The following RBFOX1 variants were observed in gnomAD, a reference collection of about 807,000 sequenced individuals.
RBFOX1 encodes RNA binding protein fox-1 homolog 1.
A neutral mutation model predicts 57.7 loss-of-function variants in RBFOX1; 8 were observed. The ratio of observed to expected loss-of-function variants is 0.14; its 90% CI spans 0.08 to 0.25. The LOEUF is 0.25. Among genes scored for constraint, RBFOX1 ranks in the 10% least tolerant of loss-of-function variants. The pLI is 1.00. For missense variants in RBFOX1, 611 were observed against 548.5 expected (o/e 1.11, Z -1.14); for synonymous variants, 326 against 222.4 (o/e 1.47, Z -4.15).
upstream of RBFOX1, among the ~76,000 whole-genome samples, chr16:6,014,059 A>C (rs564654643): frequency 1.7e-4 from 26 of 152,344 alleles, no homozygotes; most frequent in African/African-American, 6.0e-4. Flanking sequence ...ACATGTATGC[A>C]TACGTAACAA....
At chr16:5,649,488 A>C (rs1003321511) in intron 3 of RBFOX1, among the ~76,000 whole-genome samples, 3 of 152,156 alleles carry the variant, frequency 2.0e-5, no homozygotes, top group African/African-American at 7.2e-5. Context: ...TATTTTTAAA[A>C]TGTGTTTCTA....
chr16:5,730,876 C>T (rs1251345643), intron 3 of RBFOX1, among the ~76,000 whole-genome samples: 1 of 151,918 alleles, frequency 6.6e-6, no homozygotes, highest in Non-Finnish European at 1.5e-5. Context: ...GTCATCACCA[C>T]TATTATCATT....
At chr16:5,826,950 C>G (rs770330014) in intron 3 of RBFOX1, among the ~76,000 whole-genome samples, 1 of 152,176 alleles carries the variant, frequency 6.6e-6, no homozygotes, top group Non-Finnish European at 1.5e-5. Flanking sequence ...TTCCAGAAAA[C>G]AGTTGTGTAG....
At chr16:6,725,480 C>G (rs148915399) in intron 3 of RBFOX1, among the ~76,000 whole-genome samples, 11 of 152,264 alleles carry the variant, frequency 7.2e-5, no homozygotes, top group African/African-American at 2.4e-4. Context: ...CAGTGGGTCT[C>G]AGCCTTAGGG....
At chr16:5,982,083 C>T (rs939730584) in intron 4 of RBFOX1, among the ~76,000 whole-genome samples, 2 of 152,172 alleles carry the variant, frequency 1.3e-5, no homozygotes, top group African/African-American at 4.8e-5. Flanking sequence ...CAGTTGCCAT[C>T]TCATGGGGCA....
intron 4 of RBFOX1, among the ~76,000 whole-genome samples, chr16:7,220,040 G>T (rs2092603129): frequency 6.6e-6 from 1 of 152,080 alleles, no homozygotes; most frequent in Non-Finnish European, 1.5e-5. Flanking sequence ...TAAAATTAAA[G>T]GTGTCTTAAA....
intron 3 of RBFOX1, among the ~76,000 whole-genome samples, chr16:6,759,665 C>G (rs1051610204): frequency 2.0e-5 from 3 of 152,054 alleles, no homozygotes; most frequent in East Asian, 1.9e-4. Context: ...TTCACTTTCT[C>G]TTTGCCTTTT....
At chr16:5,427,490 CAGA>C (rs2067597359) in intron 1 of RBFOX1, among the ~76,000 whole-genome samples, 1 of 152,076 alleles carries the variant, frequency 6.6e-6, no homozygotes, top group African/African-American at 2.4e-5. Context: ...AAGGCTGAGG[CAGA>C]AGAATTATTT....
intron 3 of RBFOX1, among the ~76,000 whole-genome samples, chr16:6,804,540 T>A (rs187765424): frequency 1.4e-3 from 212 of 152,268 alleles, no homozygotes; most frequent in Middle Eastern, 6.8e-3. Context: ...GAATTCTAAA[T>A]TGGACTCTAA....
chr16:5,756,562 A>C (rs1385557103), intron 3 of RBFOX1, among the ~76,000 whole-genome samples: 1 of 152,212 alleles, frequency 6.6e-6, no homozygotes, highest in African/African-American at 2.4e-5. Flanking sequence ...AGGAGTAATG[A>C]ATAAAGACCC....
chr16:6,805,562 G>T (rs150142991), intron 3 of RBFOX1, among the ~76,000 whole-genome samples: 1 of 149,930 alleles, frequency 6.7e-6, no homozygotes, highest in East Asian at 1.9e-4. Flanking sequence ...TCTCACTTCA[G>T]TTATCACATT....
chr16:5,506,755 A>G (rs191419421), intron 2 of RBFOX1, among the ~76,000 whole-genome samples: 41 of 152,144 alleles, frequency 2.7e-4, no homozygotes, highest in Non-Finnish European at 8.8e-5. Flanking sequence ...CTTTCTTGAA[A>G]TGTTGAAAGT....
intron 4 of RBFOX1, among the ~76,000 whole-genome samples, chr16:7,428,323 C>CTTT (rs201523653): frequency 0.018 from 2,005 of 112,264 alleles, 40 homozygotes; most frequent in Non-Finnish European, 0.026. Flanking sequence ...GAATTAATAT[C>CTTT]TTTTTTTTTT....
rs1555524318 is a variant in RBFOX1 at position 5,455,020 on chromosome 16, T to TTTCTTTCC, written c.220-12192_220-12191insTTCCTTCT. 2.7e-3 allele frequency among the ~76,000 whole-genome samples: 312 copies of TTTCTTTCC among 115,772 alleles called. 7 individuals carry two copies. Among genetic ancestry groups the TTTCTTTCC allele is most frequent in the African/African-American group, 9.3e-3 (288 of 30,982 alleles). The allele number at this position is 115,772 out of a possible 152,430, so 76.0% of individuals were successfully genotyped here. A position where few individuals can be genotyped will look rare whatever the true frequency, so the allele number is the denominator to read the frequency against. On this transcript the variant is annotated intron_variant, in intron 1 of 2. Coordinates refer to the RBFOX1 transcript ENST00000585867. The stretch of plus-strand genomic sequence containing the variant: ...CTTTCTTTCTTTCTTTCTTTCTTTC[T>TTTCTTTCC]TTCTCTCTCTCTGTCTGTCTCTCTT...
At chr16:6,584,583 G>A (rs745961454) in intron 2 of RBFOX1, among the ~76,000 whole-genome samples, 4 of 151,852 alleles carry the variant, frequency 2.6e-5, no homozygotes, top group Non-Finnish European at 4.4e-5. Flanking sequence ...TGACCAGGCT[G>A]GTCTCAAACT....
chr16:6,723,603 G>A (rs920027741), intron 3 of RBFOX1: 4 of 152,150 alleles, frequency 2.6e-5, no homozygotes, highest in African/African-American at 9.7e-5. Context: ...TATCTTGAGT[G>A]AGCCCTGTTG....
At chr16:7,540,467 A>G (rs1246670914) in intron 5 of RBFOX1, among the ~76,000 whole-genome samples, 1 of 152,204 alleles carries the variant, frequency 6.6e-6, no homozygotes. Flanking sequence ...CAGTTATACA[A>G]TTAGGATAAT....
At chr16:6,208,213 A>G (rs899194002) in intron 1 of RBFOX1, among the ~76,000 whole-genome samples, 3 of 152,156 alleles carry the variant, frequency 2.0e-5, no homozygotes, top group African/African-American at 7.2e-5. Flanking sequence ...AGTTTAAAAA[A>G]ATACTGATTA....
At chr16:6,522,302 G>A (rs1048044112) in intron 2 of RBFOX1, among the ~76,000 whole-genome samples, 5 of 151,956 alleles carry the variant, frequency 3.3e-5, no homozygotes, top group African/African-American at 9.7e-5. Context: ...AGAAGTGATG[G>A]GAGGGAATGC....
Sources: gnomAD v4.1 joint callset for allele counts (sites outside exome capture counted in the v4.1 genomes callset) on GRCh38, gnomAD v4.1.1 for gene constraint, MANE v1.5 for transcripts, NCBI Gene and HGNC (gene_info 2026-07-23, HGNC 2026-07-21) for gene names.